UST: variants seen among roughly 807,000 people sequenced by gnomAD.
The protein encoded by UST is uronyl 2-sulfotransferase.
In UST, 21 loss-of-function variants were observed where a neutral mutation model predicts 45.6. The ratio of observed to expected loss-of-function variants is 0.46; its 90% CI spans 0.33 to 0.66. UST has a LOEUF of 0.66. Among genes scored for constraint, UST ranks in the 30% least tolerant of loss-of-function variants. The pLI is 0.02. For missense variants in UST, 463 were observed against 512.4 expected, an observed-to-expected ratio of 0.90 and a Z score of 0.93; for synonymous variants, 215 against 200.6, an observed-to-expected ratio of 1.07 and a Z score of -0.61.
At chr6:148,784,945 C>T (rs1198695533) in intron 1 of UST, among the ~76,000 whole-genome samples, 2 of 152,176 alleles carry the variant, frequency 1.3e-5, no homozygotes, top group South Asian at 2.1e-4. Context: ...CGCAGTGGCT[C>T]GTGCCTGTAA....
At chr6:148,924,181 G>T (rs907521624) in intron 2 of UST, among the ~76,000 whole-genome samples, 1 of 152,134 alleles carries the variant, frequency 6.6e-6, no homozygotes, top group Non-Finnish European at 1.5e-5. Flanking sequence ...CCTCCCACAA[G>T]CTAAGAATTG....
intron 1 of UST, among the ~76,000 whole-genome samples, chr6:148,864,443 T>C (rs1373498945): frequency 6.6e-6 from 1 of 152,236 alleles, no homozygotes; most frequent in Non-Finnish European, 1.5e-5. Flanking sequence ...CCTGACCCCT[T>C]GCACTTCCCG....
At chr6:148,891,258 G>A (rs1351072988) in intron 2 of UST, among the ~76,000 whole-genome samples, 1 of 152,090 alleles carries the variant, frequency 6.6e-6, no homozygotes, top group Admixed American at 6.5e-5. Flanking sequence ...CACTTCACCT[G>A]GGACGTGGGT....
chr6:148,914,793 G>T (rs990752733), intron 2 of UST, among the ~76,000 whole-genome samples: 2 of 151,934 alleles, frequency 1.3e-5, no homozygotes, highest in African/African-American at 4.8e-5. Flanking sequence ...CTGAAATATG[G>T]TATATAGAAC....
intron 7 of UST, among the ~76,000 whole-genome samples, chr6:149,039,429 T>C (rs886678140): frequency 6.6e-6 from 1 of 152,166 alleles, no homozygotes; most frequent in Non-Finnish European, 1.5e-5. Flanking sequence ...TTTCTCCATG[T>C]TGGTCAGGCT....
intron 7 of UST, among the ~76,000 whole-genome samples, chr6:149,070,141 C>T (rs773730449): frequency 6.6e-6 from 1 of 152,156 alleles, no homozygotes; most frequent in Non-Finnish European, 1.5e-5. Context: ...GATAACAAAA[C>T]CCTACACAAT....
chr6:148,941,213 T>C (rs942265892), intron 2 of UST, 66 bp from the exon 3 acceptor site: 1 of 1,573,518 alleles, frequency 6.4e-7, no homozygotes, highest in African/African-American at 1.4e-5. Context: ...GTTCTGAAAT[T>C]GAGGGAAGAA....
chr6:149,010,411 C>G (rs1031643274), intron 5 of UST, among the ~76,000 whole-genome samples: 1 of 152,212 alleles, frequency 6.6e-6, no homozygotes, highest in African/African-American at 2.4e-5. Flanking sequence ...ACTGTGTTAA[C>G]CAGAAGAAGT....
In UST at chr6:148,880,493, T is replaced by C. The variant is rs548494455; in HGVS notation, c.248-6493T>C. Among the ~76,000 whole-genome samples, 13 of 152,224 alleles carry C rather than the reference T, an allele frequency of 8.5e-5. No homozygotes were observed. In the East Asian group the frequency reaches 2.3e-3, roughly 27 times the overall value. On this transcript the variant is annotated intron_variant, in intron 1 of 7. Coordinates refer to ENST00000367463, the MANE Select transcript of UST (RefSeq NM_005715.3). ...AACTGCCAAAGTAAAGAGATCTTGATAACATACTGCCATGCAGAGACTCAG... is the reference window on the plus strand; with the variant it reads ...AACTGCCAAAGTAAAGAGATCTTGACAACATACTGCCATGCAGAGACTCAG...
chr6:149,050,568 C>T (rs1703517987), intron 7 of UST, among the ~76,000 whole-genome samples: 1 of 152,134 alleles, frequency 6.6e-6, no homozygotes, highest in Admixed American at 6.5e-5. Flanking sequence ...TGATGAGGAT[C>T]CTTTCTGAGA....
At chr6:148,830,714 C>T (rs910887612) in intron 1 of UST, among the ~76,000 whole-genome samples, 3 of 152,180 alleles carry the variant, frequency 2.0e-5, no homozygotes, top group South Asian at 2.1e-4. Flanking sequence ...TGCAAAAAGA[C>T]ACTGTTTTAT....
Position 148,809,398 on chromosome 6 carries a change from T to C in UST, c.247+61721T>C, listed in dbSNP as rs140040117. 2.2e-4 allele frequency among the ~76,000 whole-genome samples: 34 copies of C among 152,308 alleles called. 1 individual carries two copies. In the East Asian group the frequency reaches 6.6e-3, roughly 29 times the overall value. Reference sequence around the variant, plus strand: ...ACACTGTCAAAGCTGAAACAGTGCTTGTGTCCTTTCTTCCTCAGAGGTGCG... The same window carrying C: ...ACACTGTCAAAGCTGAAACAGTGCTCGTGTCCTTTCTTCCTCAGAGGTGCG... On this transcript the variant is annotated intron_variant, in intron 1 of 7. Coordinates refer to ENST00000367463, the MANE Select transcript of UST (RefSeq NM_005715.3).
At chr6:148,927,174 AAG>A (rs969282770) in intron 2 of UST, among the ~76,000 whole-genome samples, 10 of 150,804 alleles carry the variant, frequency 6.6e-5, no homozygotes, top group Non-Finnish European at 7.4e-5. Context: ...GAGAGTGAGA[AAG>A]AGAGAGAGAG....
intron 1 of UST, among the ~76,000 whole-genome samples, chr6:148,796,571 C>T (rs1776951579): frequency 7.5e-6 from 1 of 133,410 alleles, no homozygotes; most frequent in Admixed American, 8.9e-5. Context: ...TTGCAGTGAG[C>T]CGAGATTGTG....
At chr6:148,928,708 A>G (rs1779866867) in intron 2 of UST, among the ~76,000 whole-genome samples, 1 of 152,270 alleles carries the variant, frequency 6.6e-6, no homozygotes, top group Non-Finnish European at 1.5e-5. Context: ...TAATTCAATT[A>G]TGAAAAAGGT....
chr6:148,761,523 C>CA (rs11386317), intron 1 of UST, among the ~76,000 whole-genome samples: 72,004 of 144,794 alleles, frequency 0.5, 17,692 homozygotes, highest in African/African-American at 0.57. Flanking sequence ...GACAACGTGC[C>CA]AAAAAAAAAA....
chr6:148,933,027 C>G (rs752028728), intron 2 of UST, among the ~76,000 whole-genome samples: 3 of 152,178 alleles, frequency 2.0e-5, no homozygotes, highest in Non-Finnish European at 4.4e-5. Flanking sequence ...TTGCTCATGT[C>G]ACTCAACTAC....
chr6:149,042,761 A>C (rs2115031841), intron 7 of UST, among the ~76,000 whole-genome samples: 1 of 152,330 alleles, frequency 6.6e-6, no homozygotes, highest in African/African-American at 2.4e-5. Flanking sequence ...CATGGTTTTC[A>C]GGGAATTTTT....
intron 5 of UST, among the ~76,000 whole-genome samples, chr6:148,996,232 G>T (rs1330707355): frequency 1.3e-5 from 2 of 152,132 alleles, no homozygotes; most frequent in Non-Finnish European, 2.9e-5. Context: ...GGTTATCGTT[G>T]TTTCTGAGAC....
Sources: allele counts gnomAD v4.1 joint callset (sites outside exome capture counted in the v4.1 genomes callset), GRCh38; gene constraint gnomAD v4.1.1; transcripts MANE v1.5; gene names NCBI Gene and HGNC (gene_info 2026-07-23, HGNC 2026-07-21).